Variants in PRDM1 observed in about 807,000 individuals in gnomAD.
The protein encoded by PRDM1 is PR domain zinc finger protein 1.
In PRDM1, 13 loss-of-function variants were observed where a neutral mutation model predicts 62.8. The ratio of observed to expected loss-of-function variants is 0.21; its 90% CI spans 0.13 to 0.33. PRDM1 has a LOEUF of 0.33. PRDM1 is among the 10% of genes least tolerant of loss of function. The pLI, the probability that PRDM1 is intolerant of heterozygous loss-of-function variation, is 1.00. For synonymous variants in PRDM1, 396 were observed against 417.6 expected (o/e 0.95, Z 0.63); for missense variants, 895 against 1,058.8 (o/e 0.85, Z 2.15).
chr6:106,007,569 C>T (rs1772498525), intron 1 of PRDM1, among the ~76,000 whole-genome samples: 1 of 152,156 alleles, frequency 6.6e-6, no homozygotes, highest in South Asian at 2.1e-4. Context: ...ATTGACAACT[C>T]GAAAGTTACA....
At chr6:106,070,061 T>C (rs544482581) in intron 1 of PRDM1, among the ~76,000 whole-genome samples, 1 of 152,344 alleles carries the variant, frequency 6.6e-6, no homozygotes, top group African/African-American at 2.4e-5. Context: ...GTCTGTTGCA[T>C]GTTTTTTAGC....
upstream of PRDM1, chr6:106,045,569 T>C (rs1773061464): frequency 6.6e-6 from 1 of 152,182 alleles, no homozygotes; most frequent in Admixed American, 6.5e-5. Context: ...ATCAACGTTG[T>C]TCTCTTTTAT....
chr6:106,045,112 G>A (rs1773053169), upstream of PRDM1, among the ~76,000 whole-genome samples: 1 of 152,094 alleles, frequency 6.6e-6, no homozygotes, highest in African/African-American at 2.4e-5. Context: ...AAGCTACTGT[G>A]GCTAGAAAAT....
chr6:106,106,083 C>G lies in PRDM1; in HGVS notation c.1773+150C>G. 7.9e-7 allele frequency: 1 copy of G among 1,265,624 alleles called. No individual in the cohort carries two copies. Among genetic ancestry groups the G allele is most frequent in the Non-Finnish European group, 1.1e-6 (1 of 937,150 alleles). 78.4% of individuals were successfully genotyped at this position (1,265,624 alleles called of 1,614,324 possible). A position where few individuals can be genotyped will look rare whatever the true frequency, so the allele number is the denominator to read the frequency against. ...TATGGATTCCGCCTGGCTTTTGCCA[C>G]TTCTAGCTCTTTGACTTTGGACAAG... is the stretch of plus-strand genomic sequence containing the variant. On this transcript the variant is annotated intron_variant, in intron 5 of 6. Transcript: ENST00000369096. The surrounding 1 kb of genome is among the most constrained non-coding windows in gnomAD (Gnocchi z 4.4).
intron 1 of PRDM1, among the ~76,000 whole-genome samples, chr6:105,998,919 ATATATATATATATATTTTTTTTTTT>A (rs1295929387): frequency 0.25 from 1,175 of 4,772 alleles, 24 homozygotes; most frequent in African/African-American, 0.35. Context: ...ATATATATAT[ATATATATATATATATTTTTTTTTTT>A]TTTTTTCTTT....
At chr6:106,037,906 GTTTC>G (rs1772943247) in intron 1 of PRDM1, among the ~76,000 whole-genome samples, 1 of 146,244 alleles carries the variant, frequency 6.8e-6, no homozygotes, top group Non-Finnish European at 1.5e-5. Flanking sequence ...ACAGTTTCCT[GTTTC>G]TTTATGTGTC....
intron 3 of PRDM1, chr6:106,096,030 A>G (rs766101427): frequency 7.4e-6 from 2 of 270,648 alleles, no homozygotes; most frequent in Non-Finnish European, 1.4e-5. Flanking sequence ...GGATAGGTTC[A>G]TTTGCATTTC....
chr6:106,051,650 A>G (rs573633846), intron 1 of PRDM1, among the ~76,000 whole-genome samples: 4 of 152,312 alleles, frequency 2.6e-5, no homozygotes, highest in African/African-American at 9.6e-5. Context: ...CCGTCTGGAA[A>G]AAAGAGGGGC....
intron 1 of PRDM1, among the ~76,000 whole-genome samples, chr6:106,058,759 G>A (rs1407760450): frequency 1.3e-5 from 2 of 152,028 alleles, no homozygotes; most frequent in Non-Finnish European, 2.9e-5. Flanking sequence ...TTTAGTAGAG[G>A]CGGTTTCTCC....
At chr6:106,017,725 C>T (rs1036742170) in intron 1 of PRDM1, among the ~76,000 whole-genome samples, 3 of 151,982 alleles carry the variant, frequency 2.0e-5, no homozygotes, top group Admixed American at 6.6e-5. Flanking sequence ...TTTTCTTTTT[C>T]GGAAAGGGAC....
At chr6:106,027,916 C>T (rs1047679950) in intron 1 of PRDM1, among the ~76,000 whole-genome samples, 11 of 152,242 alleles carry the variant, frequency 7.2e-5, no homozygotes, top group Middle Eastern at 3.4e-3. Flanking sequence ...ACACATGATC[C>T]CCTGGAGTGG....
chr6:106,086,463 G>A lies in PRDM1; in HGVS notation c.-91G>A. The A allele has an allele frequency of 1.5e-6, 2 of 1,322,302 alleles. No homozygotes were observed. The highest frequency in any genetic ancestry group is 2.3e-5 in the Admixed American group (1 of 43,378). 81.9% of individuals were successfully genotyped at this position (1,322,302 alleles called of 1,614,324 possible). ...CCGGGCGGCCGGACGAAGCGAGGAG[G>A]GACCGCCGAGGTGCGCGTCTGTGCG... On this transcript the variant is annotated 5_prime_UTR_variant, in exon 1 of 7. Transcript: ENST00000369096.
intron 1 of PRDM1, among the ~76,000 whole-genome samples, chr6:106,031,928 C>A (rs981300691): frequency 2.0e-5 from 3 of 151,880 alleles, no homozygotes; most frequent in Admixed American, 2.0e-4. Context: ...GTGCCCAGAC[C>A]ATAGCTGTCT....
intron 1 of PRDM1, among the ~76,000 whole-genome samples, chr6:106,051,062 C>T (rs1206200715): frequency 6.6e-6 from 1 of 151,838 alleles, no homozygotes; most frequent in Non-Finnish European, 1.5e-5. Flanking sequence ...AAAAAAATTA[C>T]TAGAAAAGTC....
chr6:105,998,915 ATATATATATATATATATAT>A (rs1236517388), intron 1 of PRDM1, among the ~76,000 whole-genome samples: 22 of 6,178 alleles, frequency 3.6e-3, no homozygotes, highest in South Asian at 0.014. Flanking sequence ...ATATATATAT[ATATATATATATATATATAT>A]TTTTTTTTTT....
Position 106,058,138 on chromosome 6 carries a change from C to T in PRDM1, c.-67+9424C>T, listed in dbSNP as rs796076637. 3.8e-4 allele frequency among the ~76,000 whole-genome samples: 58 copies of T among 152,292 alleles called. 1 individual carries two copies. Among genetic ancestry groups the T allele is most frequent in the African/African-American group, 1.4e-3 (57 of 41,564 alleles). On this transcript the variant is annotated intron_variant, in intron 1 of 6. Coordinates refer to the PRDM1 transcript ENST00000651185. Reference sequence around the variant, plus strand: ...ACTCTCAAATGACTCTTGGGACAGCCTCTAAGTCAGTTTGAGCTGCTATAC... The same window carrying T: ...ACTCTCAAATGACTCTTGGGACAGCTTCTAAGTCAGTTTGAGCTGCTATAC...
intron 1 of PRDM1, among the ~76,000 whole-genome samples, chr6:106,050,270 T>TA (rs1236801420): frequency 1.3e-5 from 2 of 152,162 alleles, no homozygotes; most frequent in African/African-American, 4.8e-5. Flanking sequence ...TTAATAGAAG[T>TA]AAAAAAGATA....
At position 106,013,489 on chromosome 6, in the gene PRDM1, G is replaced by A. The variant is rs541449887; in HGVS notation, c.-67+19850G>A. 1.3e-3 allele frequency among the ~76,000 whole-genome samples: 195 copies of A among 151,692 alleles called. 1 individual carries two copies. Among genetic ancestry groups the A allele is most frequent in the Non-Finnish European group, 2.1e-3 (141 of 67,906 alleles). On this transcript the variant is annotated intron_variant, in intron 1 of 6. Transcript: ENST00000652320. Reference sequence around the variant, plus strand: ...ATTACAGGTGTGTGCCACAACACTCGGCTAATTTTTGTATTCTTAGTAGAG... The same window carrying A: ...ATTACAGGTGTGTGCCACAACACTCAGCTAATTTTTGTATTCTTAGTAGAG...
At chr6:106,016,652 T>TC (rs1772624811) in intron 1 of PRDM1, among the ~76,000 whole-genome samples, 1 of 149,336 alleles carries the variant, frequency 6.7e-6, no homozygotes, top group South Asian at 2.1e-4. Flanking sequence ...TTTCTCTCTT[T>TC]TTTTTTTTTT....
Sources: gnomAD v4.1 joint callset for allele counts (sites outside exome capture counted in the v4.1 genomes callset) on GRCh38, gnomAD v4.1.1 for gene constraint, Gnocchi (gnomAD v3.1) non-coding constraint, MANE v1.5 for transcripts, NCBI Gene and HGNC (gene_info 2026-07-23, HGNC 2026-07-21) for gene names.